The following MIPOL1 variants were observed in gnomAD, a reference collection of about 807,000 sequenced individuals.
MIPOL1 encodes the protein mirror-image polydactyly 1.
In MIPOL1, 57 loss-of-function variants were observed where a neutral mutation model predicts 60.9. The ratio of observed to expected loss-of-function variants is 0.94; its 90% CI spans 0.76 to 1.17. The LOEUF (loss-of-function observed/expected upper bound fraction) is 1.17. Ranked by LOEUF, MIPOL1 falls within the 50% of genes most tolerant of loss-of-function variation. The pLI is 0.00. For synonymous variants in MIPOL1, 179 were observed against 168.8 expected (o/e 1.06, Z -0.47); for missense variants, 551 against 511.6 (o/e 1.08, Z -0.74).
At chr14:37,362,612 C>T (rs1441327387) in intron 9 of MIPOL1, among the ~76,000 whole-genome samples, 3 of 152,282 alleles carry the variant, frequency 2.0e-5, no homozygotes, top group Non-Finnish European at 4.4e-5. Flanking sequence ...CAAGCAGTAT[C>T]TTTGTGGTGC....
chr14:37,216,062 CAAAAA>C (rs71449980), intron 1 of MIPOL1, among the ~76,000 whole-genome samples: 1 of 85,836 alleles, frequency 1.2e-5, no homozygotes, highest in Non-Finnish European at 2.3e-5. Flanking sequence ...ACCTCCATCT[CAAAAA>C]AAAAAAAAAA....
At chr14:37,202,862 C>T (rs1344718289) in intron 1 of MIPOL1, among the ~76,000 whole-genome samples, 1 of 152,148 alleles carries the variant, frequency 6.6e-6, no homozygotes, top group African/African-American at 2.4e-5. Context: ...ATTTAGGTTA[C>T]ATTTAATCTT....
intron 7 of MIPOL1, among the ~76,000 whole-genome samples, chr14:37,300,019 G>A (rs1050127581): frequency 2.0e-5 from 3 of 151,990 alleles, no homozygotes; most frequent in Non-Finnish European, 4.4e-5. Context: ...ATTTTAGGAT[G>A]AAGACTGTAG....
intron 10 of MIPOL1, among the ~76,000 whole-genome samples, chr14:37,421,150 T>G (rs1250531552): frequency 1.3e-5 from 2 of 152,170 alleles, no homozygotes; most frequent in Non-Finnish European, 2.9e-5. Context: ...CCCATTTTCA[T>G]TATGAAAATT....
intron 3 of MIPOL1, among the ~76,000 whole-genome samples, chr14:37,248,711 C>T (rs113058505): frequency 6.6e-6 from 1 of 151,952 alleles, no homozygotes; most frequent in Non-Finnish European, 1.5e-5. Flanking sequence ...GAGAAACAGA[C>T]ACACCTAAAG....
At chr14:37,481,598 CA>C (rs1381117433) in intron 11 of MIPOL1, among the ~76,000 whole-genome samples, 10 of 150,656 alleles carry the variant, frequency 6.6e-5, no homozygotes, top group Non-Finnish European at 7.4e-5. Context: ...CACACACACA[CA>C]CACACACACA....
chr14:37,494,655 A>G (rs1490340521), intron 11 of MIPOL1, among the ~76,000 whole-genome samples: 1 of 152,196 alleles, frequency 6.6e-6, no homozygotes, highest in African/African-American at 2.4e-5. Context: ...ACATGTATTA[A>G]ATTACTTATC....
intron 11 of MIPOL1, among the ~76,000 whole-genome samples, chr14:37,437,862 A>G (rs1046545409): frequency 6.6e-6 from 1 of 152,140 alleles, no homozygotes; most frequent in African/African-American, 2.4e-5. Flanking sequence ...TATAATCCCA[A>G]TGTTGAGTTT....
chr14:37,239,755 A>G (rs1241059567), intron 1 of MIPOL1, among the ~76,000 whole-genome samples: 1 of 151,476 alleles, frequency 6.6e-6, no homozygotes, highest in African/African-American at 2.4e-5. Context: ...AGAATGACTC[A>G]AGAAATTAAA....
chr14:37,346,838 A>G (rs2090981774), intron 9 of MIPOL1, among the ~76,000 whole-genome samples: 1 of 152,170 alleles, frequency 6.6e-6, no homozygotes, highest in Non-Finnish European at 1.5e-5. Flanking sequence ...AAAAAAATAG[A>G]CAACTTACTG....
At chr14:37,208,639 G>A (rs1966483676) in intron 1 of MIPOL1, among the ~76,000 whole-genome samples, 1 of 152,114 alleles carries the variant, frequency 6.6e-6, no homozygotes, top group Admixed American at 6.6e-5. Flanking sequence ...TGTCACCCAG[G>A]CTACAGTGCA....
At chr14:37,429,075 A>T (rs1255319695) in intron 11 of MIPOL1, among the ~76,000 whole-genome samples, 2 of 152,208 alleles carry the variant, frequency 1.3e-5, no homozygotes, top group African/African-American at 4.8e-5. Context: ...ACTTTCATTA[A>T]TCTAAATCTA....
chr14:37,319,448 G>T (rs1275846494), intron 9 of MIPOL1, among the ~76,000 whole-genome samples: 1 of 152,134 alleles, frequency 6.6e-6, no homozygotes, highest in Non-Finnish European at 1.5e-5. Flanking sequence ...GAAACTTGCA[G>T]TTTTTGAGTT....
At chr14:37,441,490 G>A (rs550587617) in intron 11 of MIPOL1, among the ~76,000 whole-genome samples, 45 of 152,120 alleles carry the variant, frequency 3.0e-4, no homozygotes, top group African/African-American at 9.6e-4. Flanking sequence ...TAAAAAGGGC[G>A]TCTCTTCTCC....
intron 1 of MIPOL1, among the ~76,000 whole-genome samples, chr14:37,246,640 A>T (rs138769119): frequency 1.9e-4 from 29 of 152,256 alleles, no homozygotes; most frequent in African/African-American, 6.5e-4. Context: ...TTATGAATTA[A>T]CTTGCATTTA....
chr14:37,255,087 A>C (rs190637934), intron 3 of MIPOL1, among the ~76,000 whole-genome samples: 173 of 151,896 alleles, frequency 1.1e-3, no homozygotes, highest in African/African-American at 4.1e-3. Context: ...TTTGCTAAAA[A>C]TCCTCATTTA....
intron 1 of MIPOL1, among the ~76,000 whole-genome samples, chr14:37,221,276 G>A (rs1257790515): frequency 6.6e-6 from 1 of 152,168 alleles, no homozygotes. Context: ...GGGCCTTTGT[G>A]CTTGTCATCT....
chr14:37,529,904 T>G (rs1189221771), intron 12 of MIPOL1, among the ~76,000 whole-genome samples: 1 of 152,174 alleles, frequency 6.6e-6, no homozygotes, highest in African/African-American at 2.4e-5. Flanking sequence ...GCATTTAGAT[T>G]TCCTGTGATA....
chr14:37,289,247 T>G (rs2084847646), intron 7 of MIPOL1, among the ~76,000 whole-genome samples: 1 of 152,198 alleles, frequency 6.6e-6, no homozygotes, highest in Admixed American at 6.5e-5. Flanking sequence ...TTTGGCCAAA[T>G]GTGTAGTTAT....
Sources: gnomAD v4.1 joint callset for allele counts (sites outside exome capture counted in the v4.1 genomes callset) on GRCh38, gnomAD v4.1.1 for gene constraint, MANE v1.5 for transcripts, NCBI Gene and HGNC (gene_info 2026-07-23, HGNC 2026-07-21) for gene names.